Variants in MARK1 observed in about 807,000 individuals in gnomAD.
MARK1 encodes microtubule affinity regulating kinase 1.
A neutral mutation model predicts 96.3 loss-of-function variants in MARK1; 40 were observed. The observed-to-expected ratio is 0.42, with a 90% CI of 0.32 to 0.54. The LOEUF is 0.54. Among genes scored for constraint, MARK1 ranks in the 20% least tolerant of loss-of-function variants. MARK1 has a pLI of 0.16. For synonymous variants in MARK1, 317 were observed against 341.2 expected, an observed-to-expected ratio of 0.93 and a Z score of 0.78; for missense variants, 719 against 984.6, an observed-to-expected ratio of 0.73 and a Z score of 3.61.
intron 1 of MARK1, among the ~76,000 whole-genome samples, chr1:220,539,000 C>A (rs1291474859): frequency 6.6e-6 from 1 of 152,078 alleles, no homozygotes; most frequent in Non-Finnish European, 1.5e-5. Flanking sequence ...GATATACAAT[C>A]ATGTCATCTG....
In MARK1 at chr1:220,599,802, A is replaced by G; in HGVS notation, c.363A>G (p.Lys121=). The change falls in exon 5 of 18, where the codon AAA becomes AAG. Residue 121 remains lysine, a synonymous_variant. Transcript: ENST00000366917. ...ATATCTCTAATTTTTTTTCAGTAAAATTGTTTGAAGTTATTGAAACAGAGA... is the reference window on the plus strand; with the variant it reads ...ATATCTCTAATTTTTTTTCAGTAAAGTTGTTTGAAGTTATTGAAACAGAGA... ...MKILNHPNIV[K]LFEVIETEKT... 1 of 1,593,552 alleles carries G rather than the reference A, an allele frequency of 6.3e-7. No homozygotes were observed. Among genetic ancestry groups the G allele is most frequent in the Non-Finnish European group, 8.6e-7 (1 of 1,163,770 alleles).
At chr1:220,625,089 C>T (rs1226166782) in intron 9 of MARK1, among the ~76,000 whole-genome samples, 1 of 152,198 alleles carries the variant, frequency 6.6e-6, no homozygotes, top group East Asian at 1.9e-4. Flanking sequence ...CTTGTAGCAA[C>T]ATTATTTTAA....
At chr1:220,620,172 G>A (rs769673058) in intron 9 of MARK1, among the ~76,000 whole-genome samples, 27 of 152,244 alleles carry the variant, frequency 1.8e-4, no homozygotes, top group South Asian at 4.1e-4. Context: ...AATGTGATTA[G>A]TTATAGCTTA....
chr1:220,608,053 A>G (rs1463044014), intron 6 of MARK1, among the ~76,000 whole-genome samples: 1 of 152,088 alleles, frequency 6.6e-6, no homozygotes, highest in Non-Finnish European at 1.5e-5. Context: ...TGGTATCAGG[A>G]TGATGTTGGC....
intron 1 of MARK1, among the ~76,000 whole-genome samples, chr1:220,538,124 T>C (rs1406418845): frequency 1.3e-5 from 2 of 150,636 alleles, no homozygotes; most frequent in Non-Finnish European, 3.0e-5. Flanking sequence ...GCCATTGCTT[T>C]TGGTGTTTTA....
intron 6 of MARK1, among the ~76,000 whole-genome samples, chr1:220,614,197 G>A (rs555969846): frequency 7.2e-5 from 11 of 152,020 alleles, no homozygotes; most frequent in Admixed American, 1.3e-4. Context: ...TTGTAGAGAC[G>A]GGGTCTCACT....
At position 220,528,528 on chromosome 1, in the gene MARK1, T is replaced by A; in HGVS notation, c.-295T>A. 2.3e-6 allele frequency: 1 copy of A among 434,132 alleles called. No individual in the cohort carries two copies. The highest frequency in any genetic ancestry group is 4.1e-6 in the Non-Finnish European group (1 of 245,476). The allele number at this position is 434,132 out of a possible 1,614,324, so 26.9% of individuals were successfully genotyped here. ...CTCCCGGCTCCCCTTCCACGCCTCATCCTGCCAGCCTCGCCGCCCCGCCAG... is the reference window on the plus strand; with the variant it reads ...CTCCCGGCTCCCCTTCCACGCCTCAACCTGCCAGCCTCGCCGCCCCGCCAG... On this transcript the variant is annotated 5_prime_UTR_variant, in exon 1 of 18. Transcript: ENST00000366917.
chr1:220,593,947 C>G (rs1263485406), intron 3 of MARK1, among the ~76,000 whole-genome samples: 12 of 152,164 alleles, frequency 7.9e-5, no homozygotes, highest in Non-Finnish European at 1.6e-4. Context: ...GCACGCCACT[C>G]AGACCAAGGC....
intron 9 of MARK1, among the ~76,000 whole-genome samples, chr1:220,619,979 C>T (rs1178605930): frequency 1.3e-5 from 2 of 152,288 alleles, no homozygotes; most frequent in East Asian, 3.9e-4. Context: ...TGAGCCATCC[C>T]TGTGTACAGA....
intron 1 of MARK1, among the ~76,000 whole-genome samples, chr1:220,559,420 G>C (rs747925425): frequency 6.6e-6 from 1 of 152,198 alleles, no homozygotes; most frequent in Non-Finnish European, 1.5e-5. Flanking sequence ...AGTAAACACA[G>C]AGAAGTGATA....
At position 220,528,563 on chromosome 1, in the gene MARK1, AC is replaced by A. The variant is rs1307521374; in HGVS notation, c.-258del. ...CTCGCCGCCCCGCCAGCGCCGGGCA[AC>A]CGCCTCGCCCGAAGCCCTCCCTCGT... On this transcript the variant is annotated 5_prime_UTR_variant, in exon 1 of 18. Transcript: ENST00000366917. 4.4e-6 allele frequency: 2 copies of A among 452,256 alleles called. No individual in the cohort carries two copies. The highest frequency in any genetic ancestry group is 4.2e-5 in the African/African-American group (2 of 47,692). The allele number at this position is 452,256 out of a possible 1,614,324, so 28.0% of individuals were successfully genotyped here.
At chr1:220,623,255 G>A (rs181205190) in intron 9 of MARK1, among the ~76,000 whole-genome samples, 4 of 151,970 alleles carry the variant, frequency 2.6e-5, no homozygotes, top group African/African-American at 4.8e-5. Context: ...TTTTTCCCTC[G>A]ACTTTTAACG....
intron 3 of MARK1, among the ~76,000 whole-genome samples, chr1:220,583,653 CTT>C (rs397966746): frequency 5.0e-5 from 7 of 139,786 alleles, no homozygotes; most frequent in Admixed American, 7.2e-5. Context: ...TTCCTGGGTT[CTT>C]TTTTTTTTTT....
At chr1:220,629,874 C>T (rs1667571098) in intron 9 of MARK1, among the ~76,000 whole-genome samples, 1 of 152,188 alleles carries the variant, frequency 6.6e-6, no homozygotes, top group South Asian at 2.1e-4. Context: ...GTTCCTTCCA[C>T]ATCCTGGCTT....
rs559019456 is a variant in MARK1 at position 220,639,128 on chromosome 1, T to G, written c.1470+3102T>G. On this transcript the variant is annotated intron_variant, in intron 13 of 17. Coordinates refer to ENST00000366917, the MANE Select transcript of MARK1 (RefSeq NM_018650.5). ...GTGTAGTTCCAGGCTAGTTCCAGCATGCCTATAGTTCCAGCTACCTGGAAG... is the reference window on the plus strand; with the variant it reads ...GTGTAGTTCCAGGCTAGTTCCAGCAGGCCTATAGTTCCAGCTACCTGGAAG... Among the ~76,000 whole-genome samples the G allele has an allele frequency of 3.3e-5, 5 of 152,178 alleles. No homozygotes were observed. In the East Asian group the frequency reaches 7.7e-4, roughly 24 times the overall value.
intron 3 of MARK1, among the ~76,000 whole-genome samples, chr1:220,586,008 C>CAT (rs1664583503): frequency 1.7e-5 from 1 of 59,560 alleles, no homozygotes; most frequent in Non-Finnish European, 3.9e-5. Flanking sequence ...CACACACACA[C>CAT]ACACGCGCGC....
intron 9 of MARK1, among the ~76,000 whole-genome samples, chr1:220,620,904 T>A (rs985713125): frequency 2.0e-5 from 3 of 152,078 alleles, no homozygotes; most frequent in Non-Finnish European, 2.9e-5. Flanking sequence ...CACCATTTTT[T>A]AAAAAAGAAA....
At chr1:220,587,163 ATTAG>A (rs1160040407) in intron 3 of MARK1, among the ~76,000 whole-genome samples, 1 of 152,108 alleles carries the variant, frequency 6.6e-6, no homozygotes, top group African/African-American at 2.4e-5. Context: ...AATACAGTAT[ATTAG>A]TTATTTTAAA....
At chr1:220,623,939 A>G (rs1667178189) in intron 9 of MARK1, among the ~76,000 whole-genome samples, 1 of 152,144 alleles carries the variant, frequency 6.6e-6, no homozygotes, top group Non-Finnish European at 1.5e-5. Context: ...CCCAGCCCAC[A>G]CTTCAAGTTG....
Sources: gnomAD v4.1 joint callset for allele counts (sites outside exome capture counted in the v4.1 genomes callset) on GRCh38, gnomAD v4.1.1 for gene constraint, MANE v1.5 for transcripts, NCBI Gene and HGNC (gene_info 2026-07-23, HGNC 2026-07-21) for gene names.